The following AGPAT3 variants were observed in gnomAD, a reference collection of about 807,000 sequenced individuals.
AGPAT3 encodes 1-acyl-sn-glycerol-3-phosphate acyltransferase gamma.
A neutral mutation model predicts 47.3 loss-of-function variants in AGPAT3; 5 were observed. The observed-to-expected ratio is 0.11, with a 90% CI of 0.06 to 0.22. The LOEUF (loss-of-function observed/expected upper bound fraction) is 0.22. Among genes scored for constraint, AGPAT3 ranks in the 10% least tolerant of loss-of-function variants. AGPAT3 has a pLI of 1.00. For synonymous variants in AGPAT3, 212 were observed against 208.3 expected (o/e 1.02, Z -0.15); for missense variants, 315 against 493.0 (o/e 0.64, Z 3.42).
intron 1 of AGPAT3, among the ~76,000 whole-genome samples, chr21:43,878,575 C>T (rs1171385261): frequency 6.6e-6 from 1 of 152,210 alleles, no homozygotes; most frequent in East Asian, 1.9e-4. Flanking sequence ...GTAAAGTCTA[C>T]AGGTGGATTG....
In AGPAT3 at chr21:43,908,590, C is replaced by T. The variant is rs1037816667; in HGVS notation, c.-49+4571C>T. Among the ~76,000 whole-genome samples, 1 of 152,104 alleles carries T rather than the reference C, an allele frequency of 6.6e-6. No individual in the cohort carries two copies. Among genetic ancestry groups the T allele is most frequent in the African/African-American group, 2.4e-5 (1 of 41,396 alleles). Reference sequence around the variant, plus strand: ...GGTAGGGGGAGTGGAGCCGTGGGTGCGGCACTAGAAGGATGAGAAAGGACC... The same window carrying T: ...GGTAGGGGGAGTGGAGCCGTGGGTGTGGCACTAGAAGGATGAGAAAGGACC... On this transcript the variant is annotated intron_variant, in intron 2 of 9. Transcript: ENST00000291572. This position sits in a 1 kb window ranked among gnomAD's most constrained non-coding sequence, Gnocchi z 4.9.
At chr21:43,873,535 G>A (rs1387231493) in intron 1 of AGPAT3, among the ~76,000 whole-genome samples, 1 of 152,024 alleles carries the variant, frequency 6.6e-6, no homozygotes, top group Admixed American at 6.6e-5. Flanking sequence ...GCACCACCAC[G>A]CCTGGCTAAT....
chr21:43,866,120 G>GTTT (rs751185123), intron 1 of AGPAT3, among the ~76,000 whole-genome samples: 4,549 of 132,324 alleles, frequency 0.034, 99 homozygotes, highest in African/African-American at 0.053. Flanking sequence ...ATGGTGCAGT[G>GTTT]TTTTTTTTTT....
chr21:43,974,175 GTT>G (rs2089508129), intron 7 of AGPAT3, among the ~76,000 whole-genome samples: 1 of 151,924 alleles, frequency 6.6e-6, no homozygotes, highest in South Asian at 2.1e-4. Context: ...TTATGTGTGT[GTT>G]GTATATGGGT....
intron 2 of AGPAT3, among the ~76,000 whole-genome samples, chr21:43,935,510 G>A (rs934471533): frequency 3.9e-5 from 6 of 152,258 alleles, no homozygotes; most frequent in Admixed American, 1.3e-4. Context: ...TAGAGGTCAA[G>A]TCCAGGAGCG....
chr21:43,982,625 T>G lies in AGPAT3; in HGVS notation c.*233T>G, dbSNP rs1277257010. 2.7e-6 allele frequency: 1 copy of G among 370,764 alleles called. No individual in the cohort carries two copies. The highest frequency in any genetic ancestry group is 4.9e-6 in the Non-Finnish European group (1 of 205,210). 23.0% of individuals were successfully genotyped at this position (370,764 alleles called of 1,614,324 possible). A position where few individuals can be genotyped will look rare whatever the true frequency, so the allele number is the denominator to read the frequency against. ...TCCACGCGCGCCCGTGGGAGGTGGG[T>G]CCGGCCGGAGAGGCCTCCCGCGGAC... On this transcript the variant is annotated 3_prime_UTR_variant, in exon 10 of 10. Coordinates refer to ENST00000291572, the MANE Select transcript of AGPAT3 (RefSeq NM_020132.5). This position sits in a 1 kb window ranked among gnomAD's most constrained non-coding sequence, Gnocchi z 6.2.
Position 43,970,592 on chromosome 21 carries a change from C to T in AGPAT3, c.511-61C>T, listed in dbSNP as rs2089352025. The T allele has an allele frequency of 6.4e-7, 1 of 1,573,420 alleles. No homozygotes were observed. The highest frequency in any genetic ancestry group is 8.7e-7 in the Non-Finnish European group (1 of 1,154,296). On this transcript the variant is annotated intron_variant, in intron 5 of 9. Coordinates refer to ENST00000291572, the MANE Select transcript of AGPAT3 (RefSeq NM_020132.5). This position sits in a 1 kb window ranked among gnomAD's most constrained non-coding sequence, Gnocchi z 5.8. ...CTGCCTGTCAGAGAGGCAGGCCTGG[C>T]CTGGACATGCACCCACCCCAGCTGC...
intron 1 of AGPAT3, among the ~76,000 whole-genome samples, chr21:43,897,378 A>G (rs1219671191): frequency 1.3e-5 from 2 of 151,834 alleles, no homozygotes; most frequent in African/African-American, 2.4e-5. Context: ...CACAGTAACA[A>G]TCTGATCCCT....
Position 43,970,454 on chromosome 21 carries a change from G to A in AGPAT3, c.511-199G>A, listed in dbSNP as rs1005017718. Among the ~76,000 whole-genome samples the A allele has an allele frequency of 6.6e-6, 1 of 151,020 alleles. No homozygotes were observed. Among genetic ancestry groups the A allele is most frequent in the Non-Finnish European group, 1.5e-5 (1 of 67,822 alleles). ...GGAGAGCTCTCCTGTGTGAATGAAC[G>A]TGTGTGACTGGAGTGCAGACTGTGG... On this transcript the variant is annotated intron_variant, in intron 5 of 9. Transcript: ENST00000291572. This position sits in a 1 kb window ranked among gnomAD's most constrained non-coding sequence, Gnocchi z 5.8.
chr21:43,948,089 T>A (rs551213459), intron 2 of AGPAT3: 1 of 152,372 alleles, frequency 6.6e-6, no homozygotes, highest in South Asian at 2.1e-4. Context: ...GCTGTGTTTT[T>A]GGCCAAAGGT....
chr21:43,964,943 T>G (rs2089051919), intron 3 of AGPAT3: 1 of 160,662 alleles, frequency 6.2e-6, no homozygotes, highest in Non-Finnish European at 1.3e-5. Context: ...GTTTGTTTGT[T>G]TTTGAGACAG....
At chr21:43,890,403 T>C (rs1392392546) in intron 1 of AGPAT3, among the ~76,000 whole-genome samples, 1 of 152,162 alleles carries the variant, frequency 6.6e-6, no homozygotes, top group African/African-American at 2.4e-5. Context: ...CTTTTCTTTA[T>C]AAATTACCCG....
intron 2 of AGPAT3, among the ~76,000 whole-genome samples, chr21:43,956,757 G>T (rs1660531239): frequency 6.6e-6 from 1 of 152,214 alleles, no homozygotes; most frequent in South Asian, 2.1e-4. Context: ...TGCCTCCCAG[G>T]TGGCCCCCTC....
Position 43,982,250 on chromosome 21 carries a change from C to A in AGPAT3, c.1043-54C>A. ...GAAGCCCCAGTAACACGTTTTACAG[C>A]AAAAAGGCAAAGTCATCCGTCTCAC... On this transcript the variant is annotated intron_variant, in intron 9 of 9. Coordinates refer to ENST00000291572, the MANE Select transcript of AGPAT3 (RefSeq NM_020132.5). This position sits in a 1 kb window ranked among gnomAD's most constrained non-coding sequence, Gnocchi z 6.2. 1 of 1,451,146 alleles carries A rather than the reference C, an allele frequency of 6.9e-7. No homozygotes were observed. The highest frequency in any genetic ancestry group is 9.6e-7 in the Non-Finnish European group (1 of 1,040,372). The allele number at this position is 1,451,146 out of a possible 1,614,324, so 89.9% of individuals were successfully genotyped here.
intron 1 of AGPAT3, among the ~76,000 whole-genome samples, chr21:43,898,620 A>G (rs62228705): frequency 0.11 from 16,533 of 152,068 alleles, 1,747 homozygotes; most frequent in African/African-American, 0.27. Context: ...TCCGCCTCCT[A>G]GGTTCAAGCA....
chr21:43,885,237 G>T (rs1569045242), intron 1 of AGPAT3, among the ~76,000 whole-genome samples: 1 of 152,264 alleles, frequency 6.6e-6, no homozygotes, highest in Non-Finnish European at 1.5e-5. Flanking sequence ...GCCTGGGCCA[G>T]ACGGGTTCCC....
At chr21:43,926,733 G>A (rs1237753460) in intron 2 of AGPAT3, among the ~76,000 whole-genome samples, 2 of 148,164 alleles carry the variant, frequency 1.3e-5, no homozygotes, top group African/African-American at 5.0e-5. Context: ...GCCGAGGTGG[G>A]TGGATCACTT....
chr21:43,885,820 A>AAGGTGTGCAGGTGCGC (rs1192738223), intron 1 of AGPAT3, among the ~76,000 whole-genome samples: 8 of 137,340 alleles, frequency 5.8e-5, no homozygotes, highest in Non-Finnish European at 8.2e-5. Context: ...GCCACAGGTG[A>AAGGTGTGCAGGTGCGC]AGGTGTGCAG....
intron 2 of AGPAT3, among the ~76,000 whole-genome samples, chr21:43,947,580 G>C (rs1035271338): frequency 6.6e-6 from 1 of 152,208 alleles, no homozygotes; most frequent in Admixed American, 6.5e-5. Flanking sequence ...ATTGTTTGCT[G>C]AAGTGCTCCA....
Sources: gnomAD v4.1 joint callset for allele counts (sites outside exome capture counted in the v4.1 genomes callset) on GRCh38, gnomAD v4.1.1 for gene constraint, Gnocchi (gnomAD v3.1) non-coding constraint, MANE v1.5 for transcripts, NCBI Gene and HGNC (gene_info 2026-07-23, HGNC 2026-07-21) for gene names.